The following SPATA6L variants were observed in gnomAD, a reference collection of about 807,000 sequenced individuals.
SPATA6L encodes spermatogenesis associated 6 like, also known as spermatogenesis associated 6-like protein.
A neutral mutation model predicts 49.2 loss-of-function variants in SPATA6L; 68 were observed. The observed-to-expected ratio is 1.38, with a 90% CI of 1.14 to 1.69. The LOEUF is 1.69. SPATA6L is among the 40% of genes most tolerant of loss of function. The pLI is 0.00. For missense variants in SPATA6L, 668 were observed against 464.3 expected, an observed-to-expected ratio of 1.44 and a Z score of -4.03; for synonymous variants, 198 against 165.7, an observed-to-expected ratio of 1.19 and a Z score of -1.50.
At chr9:4,653,106 T>C (rs945064940) in intron 3 of SPATA6L, among the ~76,000 whole-genome samples, 4 of 152,186 alleles carry the variant, frequency 2.6e-5, no homozygotes, top group Admixed American at 6.5e-5. Flanking sequence ...CTTCCTGGTT[T>C]TGAAATTTAT....
intron 9 of SPATA6L, among the ~76,000 whole-genome samples, chr9:4,614,680 A>G (rs1159216858): frequency 1.3e-5 from 2 of 152,208 alleles, no homozygotes; most frequent in Admixed American, 1.3e-4. Context: ...GGGGTTTCCC[A>G]GGATGCAAAC....
In SPATA6L at chr9:4,601,708, T is replaced by TA. The variant is rs548947136; in HGVS notation, c.*2-900dup. Among the ~76,000 whole-genome samples the TA allele has an allele frequency of 2.9e-3, 448 of 152,224 alleles. 3 individuals are homozygous for TA. The highest frequency in any genetic ancestry group is 0.01 in the African/African-American group (431 of 41,546). The stretch of plus-strand genomic sequence containing the variant: ...GAGGGACAGGAATTGGTGCTGCCAT[T>TA]AGAAGAGAGTCCTCAAGAAAAGCCG... On this transcript the variant is annotated intron_variant, in intron 11 of 11. Transcript: ENST00000682582.
intron 3 of SPATA6L, among the ~76,000 whole-genome samples, chr9:4,636,470 G>C (rs532708280): frequency 6.6e-6 from 1 of 152,148 alleles, no homozygotes; most frequent in Admixed American, 6.5e-5. Flanking sequence ...TTACTGAGCC[G>C]AAGGACAGAA....
At chr9:4,651,163 C>T (rs1037140649) in intron 3 of SPATA6L, among the ~76,000 whole-genome samples, 5 of 152,000 alleles carry the variant, frequency 3.3e-5, no homozygotes, top group African/African-American at 1.2e-4. Flanking sequence ...CCACCACACC[C>T]CACTAATTGT....
chr9:4,629,769 G>GTGTGTGTATATATATATATATA lies in SPATA6L; in HGVS notation c.352-602_352-601insTATATATATATATATACACACA, dbSNP rs1311805859. Among the ~76,000 whole-genome samples, 178 of 101,852 alleles carry GTGTGTGTATATATATATATATA rather than the reference G, an allele frequency of 1.7e-3. 2 individuals carry two copies. Among genetic ancestry groups the GTGTGTGTATATATATATATATA allele is most frequent in the Admixed American group, 3.3e-3 (29 of 8,796 alleles). The allele number at this position is 101,852 out of a possible 152,430, so 66.8% of individuals were successfully genotyped here. On this transcript the variant is annotated intron_variant, in intron 4 of 11. Transcript: ENST00000682582. The stretch of plus-strand genomic sequence containing the variant: ...GTGTTTTATATATGTGTGTGTGTGT[G>GTGTGTGTATATATATATATATA]TATATATATATATATATATATATAT...
downstream of SPATA6L, among the ~76,000 whole-genome samples, chr9:4,594,674 C>G (rs1822127918): frequency 6.6e-6 from 1 of 152,130 alleles, no homozygotes; most frequent in South Asian, 2.1e-4. Context: ...GTGGGAGCCC[C>G]TGAGTGAACA....
At chr9:4,625,253 C>CA in intron 6 of SPATA6L, 74 bp downstream of exon 6, 1 of 1,512,216 alleles carries the variant, frequency 6.6e-7, no homozygotes, top group Non-Finnish European at 8.8e-7. Context: ...TGTTATAACT[C>CA]AACCTTCCTT....
chr9:4,604,654 G>C (rs1487249141), intron 10 of SPATA6L, among the ~76,000 whole-genome samples: 1 of 152,130 alleles, frequency 6.6e-6, no homozygotes, highest in African/African-American at 2.4e-5. Context: ...TGATGGTTAG[G>C]GCAAACAACA....
intron 3 of SPATA6L, among the ~76,000 whole-genome samples, chr9:4,644,491 T>C (rs566074278): frequency 1.3e-5 from 2 of 152,122 alleles, no homozygotes; most frequent in South Asian, 2.1e-4. Flanking sequence ...CAGAGAAATA[T>C]CAAGAAATAT....
chr9:4,626,548 C>T (rs1490414578), intron 5 of SPATA6L: 2 of 1,303,966 alleles, frequency 1.5e-6, no homozygotes, highest in South Asian at 1.2e-5. Context: ...CCCTTTGTTT[C>T]CCCAGCCCTA....
At chr9:4,661,508 AT>A (rs34299991) in intron 2 of SPATA6L, among the ~76,000 whole-genome samples, 29 of 151,088 alleles carry the variant, frequency 1.9e-4, no homozygotes, top group African/African-American at 5.8e-4. Context: ...TAATTTCATT[AT>A]TTTTTTTTCG....
intron 13 of SPATA6L, among the ~76,000 whole-genome samples, chr9:4,591,684 G>A (rs1420879916): frequency 6.6e-6 from 1 of 152,136 alleles, no homozygotes; most frequent in Admixed American, 6.5e-5. Context: ...ACAAATCCAA[G>A]GCTCTCTGCT....
Position 4,662,231 on chromosome 9 carries a change from C to G in SPATA6L, c.40-195G>C. Reference sequence around the variant, plus strand: ...CATTGGAAATTCCAACTCCCTCCCACGTCTCCACCAGGTGTCACAATCGCG... The same window carrying G: ...CATTGGAAATTCCAACTCCCTCCCAGGTCTCCACCAGGTGTCACAATCGCG... On this transcript the variant is annotated intron_variant, in intron 1 of 11. Coordinates refer to ENST00000682582, the MANE Select transcript of SPATA6L (RefSeq NM_001353486.2). The surrounding 1 kb of genome is among the most constrained non-coding windows in gnomAD (Gnocchi z 4.9). 7.0e-7 allele frequency: 1 copy of G among 1,434,302 alleles called. No individual in the cohort carries two copies. The highest frequency in any genetic ancestry group is 9.1e-7 in the Non-Finnish European group (1 of 1,099,326). The allele number at this position is 1,434,302 out of a possible 1,614,324, so 88.8% of individuals were successfully genotyped here.
chr9:4,591,342 G>C (rs138753519), intron 13 of SPATA6L, among the ~76,000 whole-genome samples: 1 of 152,104 alleles, frequency 6.6e-6, no homozygotes, highest in African/African-American at 2.4e-5. Context: ...AATAACAAAA[G>C]GCCAGCCAAA....
chr9:4,658,692 A>G (rs1838874523), intron 2 of SPATA6L, among the ~76,000 whole-genome samples: 1 of 152,142 alleles, frequency 6.6e-6, no homozygotes, highest in Non-Finnish European at 1.5e-5. Flanking sequence ...TTATAAAAAT[A>G]TTTTTAAAGA....
In SPATA6L at chr9:4,635,366, G is replaced by T; in HGVS notation, c.260C>A (p.Thr87Lys). 1 of 1,590,818 alleles carries T rather than the reference G, an allele frequency of 6.3e-7. No homozygotes were observed. Residue 87 changes from threonine (T) to lysine (K), a missense_variant, in exon 4 of 12, where the codon ACA becomes AAA. Transcript: ENST00000682582. Reference sequence around the variant, plus strand: ...GGGCTCTGGGAAAAGAAAATCTCGTGTGTTTTCTTCGTAGTAGGCCAACTC... The same window carrying T: ...GGGCTCTGGGAAAAGAAAATCTCGTTTGTTTTCTTCGTAGTAGGCCAACTC... ...WDELAYYEENTRDFLFPEPKL... is the reference protein window; with the variant it reads ...WDELAYYEENKRDFLFPEPKL...
intron 5 of SPATA6L, chr9:4,628,237 A>C (rs1830725229): frequency 5.5e-6 from 1 of 181,984 alleles, no homozygotes; most frequent in African/African-American, 2.4e-5. Flanking sequence ...TGTAAATTTT[A>C]AAATAACTAA....
intron 7 of SPATA6L, among the ~76,000 whole-genome samples, chr9:4,622,178 C>T (rs993312664): frequency 2.8e-4 from 42 of 152,202 alleles, no homozygotes; most frequent in African/African-American, 6.0e-4. Flanking sequence ...ACACTCAGCA[C>T]GCCGCTCAGA....
intron 3 of SPATA6L, among the ~76,000 whole-genome samples, chr9:4,648,312 T>A (rs1453303395): frequency 6.6e-6 from 1 of 152,210 alleles, no homozygotes; most frequent in African/African-American, 2.4e-5. Context: ...ATCACCCCAA[T>A]AGTAATTTAA....
Sources: gnomAD v4.1 joint callset for allele counts (sites outside exome capture counted in the v4.1 genomes callset) on GRCh38, gnomAD v4.1.1 for gene constraint, Gnocchi (gnomAD v3.1) non-coding constraint, MANE v1.5 for transcripts, NCBI Gene and HGNC (gene_info 2026-07-23, HGNC 2026-07-21) for gene names.